The following LANCL2 variants were observed in gnomAD, a reference collection of about 807,000 sequenced individuals.
The protein encoded by LANCL2 is lanC-like protein 2.
Under a neutral mutation model 56.9 loss-of-function variants are expected in LANCL2, and 33 were observed. That is an observed-to-expected ratio of 0.58 (90% CI 0.44 to 0.78). The LOEUF is 0.78. Among genes scored for constraint, LANCL2 ranks in the 30% least tolerant of loss-of-function variants. The pLI, the probability that LANCL2 is intolerant of heterozygous loss-of-function variation, is 0.00. For missense variants in LANCL2, 562 were observed against 580.2 expected, an observed-to-expected ratio of 0.97 and a Z score of 0.32; for synonymous variants, 233 against 228.2, an observed-to-expected ratio of 1.02 and a Z score of -0.19.
intron 1 of LANCL2, among the ~76,000 whole-genome samples, chr7:55,390,592 G>A (rs1048128500): frequency 3.3e-5 from 5 of 151,798 alleles, no homozygotes; most frequent in East Asian, 3.9e-4. Flanking sequence ...GGTGACGAGC[G>A]AAACTCTGTC....
intron 1 of LANCL2, among the ~76,000 whole-genome samples, chr7:55,369,442 C>T (rs1257414165): frequency 6.6e-6 from 1 of 152,176 alleles, no homozygotes; most frequent in African/African-American, 2.4e-5. Context: ...TAAAACCACT[C>T]AAGTCGGCTT....
intron 2 of LANCL2, among the ~76,000 whole-genome samples, chr7:55,396,376 C>T (rs1790252672): frequency 6.6e-6 from 1 of 152,214 alleles, no homozygotes; most frequent in Non-Finnish European, 1.5e-5. Context: ...AATTGCTTCA[C>T]CGGAGCCTCT....
intron 8 of LANCL2, among the ~76,000 whole-genome samples, chr7:55,429,817 G>T (rs999598386): frequency 2.0e-5 from 3 of 152,272 alleles, no homozygotes; most frequent in African/African-American, 4.8e-5. Context: ...AAGGCGGGAA[G>T]TTAATAGGTC....
intron 1 of LANCL2, among the ~76,000 whole-genome samples, chr7:55,383,662 C>T (rs1363284367): frequency 6.6e-6 from 1 of 152,182 alleles, no homozygotes; most frequent in Non-Finnish European, 1.5e-5. Flanking sequence ...GACCCCTTAT[C>T]CTATCGCCTA....
intron 1 of LANCL2, among the ~76,000 whole-genome samples, chr7:55,386,888 G>A (rs986315523): frequency 6.6e-6 from 1 of 152,194 alleles, no homozygotes; most frequent in Non-Finnish European, 1.5e-5. Context: ...AAAGGGACTT[G>A]TTAGAGATGG....
At chr7:55,402,586 C>T (rs1240900645) in intron 5 of LANCL2, among the ~76,000 whole-genome samples, 1 of 11,806 alleles carries the variant, frequency 8.5e-5, no homozygotes, top group African/African-American at 4.0e-4. Context: ...GACGGGGCGG[C>T]TGGCCAGGCG....
At chr7:55,397,460 C>CAAAAA (rs35547837) in intron 2 of LANCL2, among the ~76,000 whole-genome samples, 1 of 90,350 alleles carries the variant, frequency 1.1e-5, no homozygotes, top group African/African-American at 5.0e-5. Context: ...GACTCTGTCT[C>CAAAAA]AAAAAAAAAA....
rs776919274 is a variant in LANCL2, at chr7:55,399,990, A to G, written c.564A>G (p.Gln188=). The G allele has an allele frequency of 1.4e-5, 22 of 1,613,458 alleles. No individual in the cohort carries two copies. The African/African-American group carries it at 2.4e-4, about 18-fold the overall frequency. ...AGCTCCAGAGATCGGTTGTCTGCCA[A>G]GAATCAGACCTTCCTGATGAGCTGC... ...LLQLQRSVVC[Q]ESDLPDELLY... is the part of the protein sequence containing the mutation. The change falls in exon 4 of 9, where the codon CAA becomes CAG. Residue 188 remains glutamine (Q), a synonymous_variant. Transcript: ENST00000254770.
intron 2 of LANCL2, among the ~76,000 whole-genome samples, chr7:55,396,546 AG>A (rs1230808561): frequency 6.6e-6 from 1 of 152,246 alleles, no homozygotes; most frequent in Non-Finnish European, 1.5e-5. Context: ...GCACTGGTGC[AG>A]TTCACAGTCC....
chr7:55,403,453 G>C (rs892544890), intron 5 of LANCL2, among the ~76,000 whole-genome samples: 1 of 151,820 alleles, frequency 6.6e-6, no homozygotes, highest in Non-Finnish European at 1.5e-5. Context: ...GAGAGGGAGA[G>C]GGAGAGGAGG....
At chr7:55,399,623 G>C (rs1029449152) in intron 3 of LANCL2, among the ~76,000 whole-genome samples, 5 of 152,154 alleles carry the variant, frequency 3.3e-5, no homozygotes, top group Admixed American at 6.5e-5. Flanking sequence ...GATTATAGGC[G>C]TGAGCCACCG....
At chr7:55,423,204 GTTTGCT>G (rs1373520061) in intron 6 of LANCL2, among the ~76,000 whole-genome samples, 2 of 152,240 alleles carry the variant, frequency 1.3e-5, no homozygotes, top group African/African-American at 4.8e-5. Flanking sequence ...AGAAGTAGCT[GTTTGCT>G]TAGAGCATGA....
intron 1 of LANCL2, among the ~76,000 whole-genome samples, chr7:55,376,603 G>A (rs755253333): frequency 5.3e-5 from 8 of 152,226 alleles, no homozygotes; most frequent in Non-Finnish European, 8.8e-5. Context: ...GCCTCTGTGA[G>A]TGGGCATCTG....
chr7:55,415,001 AG>A (rs67053804), intron 6 of LANCL2, among the ~76,000 whole-genome samples: 1,496 of 131,858 alleles, frequency 0.011, 53 homozygotes, highest in African/African-American at 0.029. Context: ...AAAAAAAAAA[AG>A]AAAAGAAAAG....
rs1321542045 is a variant in LANCL2 at position 55,371,262 on chromosome 7, AGG to A, written c.204+5035_204+5036del. On this transcript the variant is annotated intron_variant, in intron 1 of 8. Transcript: ENST00000254770. ...GTTTTGTTTTGTTTTTTTTCGAGAC[AGG>A]GTCTCACTCTGTTGTAGGCTGGAAT... 4.6e-5 allele frequency among the ~76,000 whole-genome samples: 7 copies of A among 152,078 alleles called. No individual in the cohort carries two copies. In the East Asian group the frequency reaches 1.4e-3, roughly 29 times the overall value.
chr7:55,407,028 C>T (rs918549301), intron 5 of LANCL2, among the ~76,000 whole-genome samples: 1 of 152,152 alleles, frequency 6.6e-6, no homozygotes, highest in Non-Finnish European at 1.5e-5. Context: ...TAGGCATTGC[C>T]ATACGTGGGC....
intron 1 of LANCL2, among the ~76,000 whole-genome samples, chr7:55,367,418 T>C (rs1044376884): frequency 3.9e-5 from 6 of 152,186 alleles, no homozygotes; most frequent in Admixed American, 6.5e-5. Context: ...TCTCTCTTCT[T>C]GAATGTGGTT....
intron 3 of LANCL2, 64 bp from the exon 4 acceptor site, chr7:55,399,892 TA>T: frequency 7.7e-7 from 1 of 1,306,230 alleles, no homozygotes; most frequent in Non-Finnish European, 1.1e-6. Context: ...GCAACAGGGT[TA>T]GTGTTTCAGG....
chr7:55,378,914 C>T (rs1017489854), intron 1 of LANCL2, among the ~76,000 whole-genome samples: 3 of 152,152 alleles, frequency 2.0e-5, no homozygotes, highest in African/African-American at 7.2e-5. Flanking sequence ...AGGCGGATCA[C>T]GAGGTCAGGA....
Sources: gnomAD v4.1 joint callset for allele counts (sites outside exome capture counted in the v4.1 genomes callset) on GRCh38, gnomAD v4.1.1 for gene constraint, MANE v1.5 for transcripts, NCBI Gene and HGNC (gene_info 2026-07-23, HGNC 2026-07-21) for gene names.